The following EIF4G3 variants were observed in gnomAD, a reference collection of about 807,000 sequenced individuals.
EIF4G3 encodes the protein eIF-4-gamma 3.
Under a neutral mutation model 186.4 loss-of-function variants are expected in EIF4G3, and 34 were observed. The observed-to-expected ratio is 0.18, with a 90% confidence interval of 0.14 to 0.24. The LOEUF is 0.24. EIF4G3 is among the 10% of genes least tolerant of loss of function. The probability of loss-of-function intolerance (pLI) is 1.00; values close to 1 mark genes in which losing one functional copy is unlikely to be tolerated. For synonymous variants in EIF4G3, 673 were observed against 679.5 expected (o/e 0.99, Z 0.15); for missense variants, 1,536 against 1,948.5 (o/e 0.79, Z 3.99).
At position 20,894,676 on chromosome 1, in the gene EIF4G3, G is replaced by A. The variant is rs547510001; in HGVS notation, c.2133+692C>T. ...TTAAGAGGTAGATATGATTCCATAAGATAGTTAATCTCTACTTTTACATTT... is the reference window on the plus strand; with the variant it reads ...TTAAGAGGTAGATATGATTCCATAAAATAGTTAATCTCTACTTTTACATTT... On this transcript the variant is annotated intron_variant, in intron 17 of 36. Coordinates refer to ENST00000602326, the MANE Select transcript of EIF4G3 (RefSeq NM_001391906.1). Among the ~76,000 whole-genome samples, 10 of 152,292 alleles carry A rather than the reference G, an allele frequency of 6.6e-5. 1 individual carries two copies. In the South Asian group the frequency reaches 1.2e-3, roughly 19 times the overall value.
chr1:21,080,410 C>CA (rs984540011), intron 3 of EIF4G3, among the ~76,000 whole-genome samples: 5 of 151,494 alleles, frequency 3.3e-5, no homozygotes, highest in African/African-American at 1.2e-4. Flanking sequence ...CACTGTACTC[C>CA]AGCCTGTGCA....
chr1:21,158,762 A>G (rs189639349), intron 2 of EIF4G3, among the ~76,000 whole-genome samples: 1 of 151,998 alleles, frequency 6.6e-6, no homozygotes, highest in Non-Finnish European at 1.5e-5. Context: ...CTCTCTCTCT[A>G]TATATATAGG....
chr1:20,955,938 C>CA (rs994400318), intron 12 of EIF4G3, among the ~76,000 whole-genome samples: 5 of 151,984 alleles, frequency 3.3e-5, no homozygotes, highest in African/African-American at 1.2e-4. Context: ...GAGATCAAGT[C>CA]AAAAATTGGG....
chr1:20,982,517 C>A (rs1048254050), intron 7 of EIF4G3, 109 bp from the exon 8 acceptor site: 7 of 674,866 alleles, frequency 1.0e-5, no homozygotes, highest in South Asian at 2.3e-5. Context: ...ACAAAAATAT[C>A]TTTCTATTTA....
chr1:20,883,001 G>A (rs925303345), intron 19 of EIF4G3, among the ~76,000 whole-genome samples: 1 of 151,674 alleles, frequency 6.6e-6, no homozygotes, highest in African/African-American at 2.4e-5. Context: ...AGGATCGCTT[G>A]AGCCCAGCAG....
chr1:20,835,205 G>T (rs925633778), intron 30 of EIF4G3, among the ~76,000 whole-genome samples: 1 of 152,036 alleles, frequency 6.6e-6, no homozygotes, highest in African/African-American at 2.4e-5. Context: ...ACAACATACC[G>T]ACACTTATAG....
chr1:20,938,852 T>TA (rs2095607374), intron 14 of EIF4G3, among the ~76,000 whole-genome samples: 2 of 152,200 alleles, frequency 1.3e-5, no homozygotes, highest in African/African-American at 4.8e-5. Context: ...CTCATGCCTG[T>TA]AATCCCAGCA....
At chr1:20,972,769 G>A (rs934793574) in intron 11 of EIF4G3, among the ~76,000 whole-genome samples, 3 of 152,020 alleles carry the variant, frequency 2.0e-5, no homozygotes, top group Admixed American at 6.6e-5. Context: ...TTGTCATGTA[G>A]CAAACCTAGC....
At chr1:21,102,088 T>C (rs912694244) in intron 2 of EIF4G3, among the ~76,000 whole-genome samples, 2 of 152,184 alleles carry the variant, frequency 1.3e-5, no homozygotes, top group African/African-American at 4.8e-5. Flanking sequence ...CTAAAGAATG[T>C]TGCAGTTTTA....
chr1:20,880,967 G>C (rs1481463667), intron 19 of EIF4G3, among the ~76,000 whole-genome samples: 1 of 152,040 alleles, frequency 6.6e-6, no homozygotes. Flanking sequence ...AAAACAAGGA[G>C]CTGATTCTAA....
At chr1:20,985,592 AG>A (rs1220891554) in intron 7 of EIF4G3, among the ~76,000 whole-genome samples, 6 of 152,192 alleles carry the variant, frequency 3.9e-5, no homozygotes, top group African/African-American at 1.4e-4. Flanking sequence ...TAGATTTAAT[AG>A]TAATGCAAGA....
intron 2 of EIF4G3, among the ~76,000 whole-genome samples, chr1:21,144,159 T>A (rs1394717297): frequency 6.6e-6 from 1 of 152,180 alleles, no homozygotes; most frequent in Non-Finnish European, 1.5e-5. Context: ...CAAATAGAGC[T>A]CCAAAAATTA....
chr1:21,157,069 A>G (rs1002135461), intron 2 of EIF4G3, among the ~76,000 whole-genome samples: 4 of 152,186 alleles, frequency 2.6e-5, no homozygotes, highest in Admixed American at 6.6e-5. Flanking sequence ...AAAAATAATA[A>G]TAAATGAATA....
At chr1:20,950,850 TAGAG>T (rs752548499) in intron 12 of EIF4G3, among the ~76,000 whole-genome samples, 1 of 152,104 alleles carries the variant, frequency 6.6e-6, no homozygotes, top group Non-Finnish European at 1.5e-5. Context: ...TTGCTCAACT[TAGAG>T]GGAACAGAAT....
intron 2 of EIF4G3, among the ~76,000 whole-genome samples, chr1:21,108,632 G>C (rs1389797966): frequency 6.6e-6 from 1 of 152,080 alleles, no homozygotes; most frequent in East Asian, 1.9e-4. Context: ...GGCCAGGTGT[G>C]GTGGCTGACA....
At chr1:21,009,320 T>C (rs1275549459) in intron 4 of EIF4G3, among the ~76,000 whole-genome samples, 1 of 151,906 alleles carries the variant, frequency 6.6e-6, no homozygotes, top group African/African-American at 2.4e-5. Context: ...GCTAGGACTA[T>C]AGGCACATAC....
intron 4 of EIF4G3, among the ~76,000 whole-genome samples, chr1:21,047,547 C>T (rs2093963053): frequency 6.6e-6 from 1 of 152,178 alleles, no homozygotes; most frequent in Admixed American, 6.5e-5. Flanking sequence ...TTTACTTCCC[C>T]TCTAAAACTC....
At chr1:20,972,963 T>C in intron 11 of EIF4G3, 39 bp downstream of exon 11, 1 of 1,500,696 alleles carries the variant, frequency 6.7e-7, no homozygotes, top group Non-Finnish European at 9.0e-7. Context: ...TGAATAGATT[T>C]TAGATTTAAA....
intron 4 of EIF4G3, among the ~76,000 whole-genome samples, chr1:21,037,651 G>A (rs2093315148): frequency 6.6e-6 from 1 of 152,140 alleles, no homozygotes. Flanking sequence ...GTCTGTTTTA[G>A]CTACTGAACA....
Sources: allele counts gnomAD v4.1 joint callset (sites outside exome capture counted in the v4.1 genomes callset), GRCh38; gene constraint gnomAD v4.1.1; transcripts MANE v1.5; gene names NCBI Gene and HGNC (gene_info 2026-07-23, HGNC 2026-07-21).